Variants in NKAIN3 observed in about 807,000 individuals in gnomAD.
NKAIN3 encodes sodium/potassium transporting ATPase interacting 3.
NKAIN3 carries 25 observed loss-of-function variants against 30.2 expected under a neutral mutation model. That is an observed-to-expected ratio of 0.83 (90% confidence interval 0.60 to 1.16). The LOEUF (loss-of-function observed/expected upper bound fraction) is 1.16. Among genes scored for constraint, NKAIN3 ranks in the 50% most tolerant of loss-of-function variants. The probability of loss-of-function intolerance (pLI) is 0.00; values close to 1 mark genes in which losing one functional copy is unlikely to be tolerated. For synonymous variants in NKAIN3, 91 were observed against 89.6 expected, an observed-to-expected ratio of 1.02 and a Z score of -0.09; for missense variants, 225 against 254.1, an observed-to-expected ratio of 0.89 and a Z score of 0.78.
At chr8:62,870,621 C>A (rs1283034399) in intron 4 of NKAIN3, among the ~76,000 whole-genome samples, 2 of 93,258 alleles carry the variant, frequency 2.1e-5, no homozygotes, top group East Asian at 2.4e-4. Context: ...AATATATATA[C>A]AAAATAAACT....
intron 3 of NKAIN3, among the ~76,000 whole-genome samples, chr8:62,699,115 A>G (rs146289585): frequency 6.6e-6 from 1 of 152,260 alleles, no homozygotes; most frequent in East Asian, 1.9e-4. Flanking sequence ...ATATTTACAC[A>G]TTATCGCTTA....
intron 1 of NKAIN3, among the ~76,000 whole-genome samples, chr8:62,367,019 T>G (rs1325811608): frequency 6.6e-6 from 1 of 152,196 alleles, no homozygotes; most frequent in Non-Finnish European, 1.5e-5. Flanking sequence ...CTCCTGTTAT[T>G]GATTCTCATT....
At chr8:62,588,550 A>T (rs532124969) in intron 2 of NKAIN3, among the ~76,000 whole-genome samples, 87 of 151,924 alleles carry the variant, frequency 5.7e-4, no homozygotes, top group African/African-American at 2.0e-3. Context: ...ATATAAATTG[A>T]ATTTCATAAA....
At chr8:62,886,258 G>T (rs1041830495) in intron 4 of NKAIN3, among the ~76,000 whole-genome samples, 4 of 151,812 alleles carry the variant, frequency 2.6e-5, no homozygotes, top group Non-Finnish European at 5.9e-5. Flanking sequence ...CAGGTAGAGT[G>T]AGTGCCTCAT....
chr8:62,780,875 A>G (rs1817335015), intron 4 of NKAIN3, among the ~76,000 whole-genome samples: 1 of 152,080 alleles, frequency 6.6e-6, no homozygotes, highest in African/African-American at 2.4e-5. Flanking sequence ...TAAGAACTGT[A>G]ACAAGACAAA....
At chr8:62,802,650 C>T (rs1481265038) in intron 4 of NKAIN3, among the ~76,000 whole-genome samples, 3 of 152,160 alleles carry the variant, frequency 2.0e-5, no homozygotes, top group Non-Finnish European at 2.9e-5. Flanking sequence ...GTACCAGCCA[C>T]TGCAAAATCA....
At chr8:62,621,529 T>A (rs542050420) in intron 3 of NKAIN3, among the ~76,000 whole-genome samples, 3 of 152,208 alleles carry the variant, frequency 2.0e-5, no homozygotes, top group Non-Finnish European at 4.4e-5. Context: ...TTTCATTACT[T>A]AAAATATAGT....
chr8:62,761,937 C>T (rs1816679133), intron 4 of NKAIN3, among the ~76,000 whole-genome samples: 1 of 152,054 alleles, frequency 6.6e-6, no homozygotes, highest in African/African-American at 2.4e-5. Flanking sequence ...TAGATATCTA[C>T]TCCCCCCAAA....
At chr8:62,672,654 G>C (rs1324190095) in intron 3 of NKAIN3, among the ~76,000 whole-genome samples, 1 of 152,170 alleles carries the variant, frequency 6.6e-6, no homozygotes, top group Admixed American at 6.5e-5. Flanking sequence ...GCTTAGACAG[G>C]CACTGACCAT....
chr8:62,598,849 A>G (rs1328056059), intron 3 of NKAIN3, among the ~76,000 whole-genome samples: 1 of 152,040 alleles, frequency 6.6e-6, no homozygotes, highest in African/African-American at 2.4e-5. Context: ...CACAGCTGAG[A>G]TGCAAACAGG....
intron 1 of NKAIN3, among the ~76,000 whole-genome samples, chr8:62,388,900 T>C (rs1463223658): frequency 2.0e-5 from 3 of 152,194 alleles, no homozygotes; most frequent in Non-Finnish European, 2.9e-5. Flanking sequence ...AAATAAGCAA[T>C]TGGGTCATCA....
At chr8:62,959,379 G>T (rs1823505001) in intron 6 of NKAIN3, among the ~76,000 whole-genome samples, 1 of 151,550 alleles carries the variant, frequency 6.6e-6, no homozygotes, top group Non-Finnish European at 1.5e-5. Flanking sequence ...TTGATGTCAG[G>T]CCATTTTGCA....
chr8:62,722,572 T>C (rs1055999465), intron 3 of NKAIN3, among the ~76,000 whole-genome samples: 3 of 152,192 alleles, frequency 2.0e-5, no homozygotes, highest in African/African-American at 7.2e-5. Flanking sequence ...CAGCTAATGT[T>C]GGCATGAAGA....
chr8:62,882,274 C>A (rs923737154), intron 4 of NKAIN3, among the ~76,000 whole-genome samples: 1 of 152,020 alleles, frequency 6.6e-6, no homozygotes, highest in Non-Finnish European at 1.5e-5. Flanking sequence ...TAAATTATTT[C>A]TTTCAAGGAA....
At chr8:62,663,871 T>A (rs1479794553) in intron 3 of NKAIN3, among the ~76,000 whole-genome samples, 2 of 152,178 alleles carry the variant, frequency 1.3e-5, no homozygotes, top group African/African-American at 4.8e-5. Flanking sequence ...ATTTGCTGAT[T>A]GAATAAATTC....
intron 3 of NKAIN3, among the ~76,000 whole-genome samples, chr8:62,703,798 G>A (rs1814427266): frequency 1.3e-5 from 2 of 152,166 alleles, no homozygotes; most frequent in Admixed American, 6.5e-5. Flanking sequence ...GGTGTAAAAT[G>A]CTGGGCATAA....
chr8:62,772,174 G>A (rs745894565), intron 4 of NKAIN3, among the ~76,000 whole-genome samples: 115 of 152,068 alleles, frequency 7.6e-4, no homozygotes, highest in Non-Finnish European at 1.2e-3. Flanking sequence ...TTGTCTTCCT[G>A]TGCCTGGCTT....
chr8:62,471,006 A>C (rs916891584), intron 1 of NKAIN3, among the ~76,000 whole-genome samples: 1 of 152,224 alleles, frequency 6.6e-6, no homozygotes, highest in African/African-American at 2.4e-5. Context: ...TAAAACACAC[A>C]GACATTCAGT....
chr8:62,439,648 T>A (rs927027630), intron 1 of NKAIN3, among the ~76,000 whole-genome samples: 2 of 152,216 alleles, frequency 1.3e-5, no homozygotes, highest in African/African-American at 2.4e-5. Context: ...TCATTAACAT[T>A]TGTACTTAGC....
Sources: gnomAD v4.1 joint callset for allele counts (sites outside exome capture counted in the v4.1 genomes callset) on GRCh38, gnomAD v4.1.1 for gene constraint, MANE v1.5 for transcripts, NCBI Gene and HGNC (gene_info 2026-07-23, HGNC 2026-07-21) for gene names.